Variants in LRRK2 observed in about 807,000 individuals in gnomAD.
LRRK2 encodes leucine rich repeat kinase 2.
A neutral mutation model predicts 302.6 loss-of-function variants in LRRK2; 203 were observed. That is an observed-to-expected ratio of 0.67 (90% CI 0.60 to 0.75). The LOEUF (loss-of-function observed/expected upper bound fraction) is 0.75, where lower values mean the gene tolerates loss of function less well. Among genes scored for constraint, LRRK2 ranks in the 30% least tolerant of loss-of-function variants. LRRK2 has a pLI of 0.00. For missense variants in LRRK2, 2,830 were observed against 2,951.0 expected (o/e 0.96, Z 0.95); for synonymous variants, 1,066 against 1,031.9 (o/e 1.03, Z -0.63).
Position 40,274,954 on chromosome 12 carries a change from C to A in LRRK2, c.1902C>A (p.Ser634Arg). Residue 634 changes from serine to arginine, a missense_variant, in exon 16 of 51, where the codon AGC becomes AGA. Coordinates refer to ENST00000298910, the MANE Select transcript of LRRK2 (RefSeq NM_198578.4). ...GHLLAKILVS[S>R]LYRFKDVAEI... ...TGCTGGCAAAAATTCTGGTTTCCAG[C>A]TTATACCGATTTAAGGATGTTGCTG... 6.2e-7 allele frequency: 1 copy of A among 1,613,974 alleles called. No individual in the cohort carries two copies. The highest frequency in any genetic ancestry group is 8.5e-7 in the Non-Finnish European group (1 of 1,179,930).
chr12:40,234,999 G>A (rs1353774050), intron 3 of LRRK2, among the ~76,000 whole-genome samples: 1 of 151,928 alleles, frequency 6.6e-6, no homozygotes, highest in African/African-American at 2.4e-5. Flanking sequence ...ATAGTCCCCT[G>A]TTGATTTTTT....
At chr12:40,318,314 T>G (rs1945289268) in intron 33 of LRRK2, among the ~76,000 whole-genome samples, 1 of 152,106 alleles carries the variant, frequency 6.6e-6, no homozygotes, top group Non-Finnish European at 1.5e-5. Context: ...CCACTATAAA[T>G]AGTGGTAGCA....
At chr12:40,257,194 A>G in intron 11 of LRRK2, 54 bp from the exon 12 acceptor site, 1 of 1,318,944 alleles carries the variant, frequency 7.6e-7, no homozygotes, top group Non-Finnish European at 1.1e-6. Flanking sequence ...AGCTTATGGT[A>G]AAATTATGAA....
At chr12:40,343,023 A>G (rs867954454) in intron 41 of LRRK2, among the ~76,000 whole-genome samples, 8 of 152,160 alleles carry the variant, frequency 5.3e-5, no homozygotes, top group Non-Finnish European at 8.8e-5. Flanking sequence ...TAAAGTTTAG[A>G]GAATATAAAA....
At chr12:40,339,232 G>T (rs953661375) in intron 40 of LRRK2, among the ~76,000 whole-genome samples, 8 of 152,104 alleles carry the variant, frequency 5.3e-5, no homozygotes, top group Non-Finnish European at 1.0e-4. Context: ...ATAAGCAAAG[G>T]ATTTAAATTT....
intron 43 of LRRK2, 22 bp downstream of exon 43, chr12:40,348,531 T>C (rs751271239): frequency 6.7e-7 from 1 of 1,496,468 alleles, no homozygotes; most frequent in Non-Finnish European, 9.3e-7. Flanking sequence ...GTTTTGTTAA[T>C]ATTTTGTACA....
chr12:40,258,016 A>G (rs550533535), intron 12 of LRRK2, among the ~76,000 whole-genome samples: 1 of 152,274 alleles, frequency 6.6e-6, no homozygotes, highest in Admixed American at 6.5e-5. Context: ...AGTGAAAACT[A>G]ATTTTGTTCC....
chr12:40,259,430 C>T, intron 12 of LRRK2, 50 bp from the exon 13 acceptor site: 1 of 1,608,768 alleles, frequency 6.2e-7, no homozygotes. Context: ...GTGTTTATAC[C>T]ATTGAATCAG....
intron 31 of LRRK2, among the ~76,000 whole-genome samples, chr12:40,312,234 C>T (rs922675254): frequency 6.6e-6 from 1 of 152,034 alleles, no homozygotes; most frequent in Non-Finnish European, 1.5e-5. Flanking sequence ...TTATAAATCA[C>T]CTTTGAAGAC....
intron 47 of LRRK2, among the ~76,000 whole-genome samples, chr12:40,361,731 A>G (rs1946715082): frequency 6.6e-6 from 1 of 152,104 alleles, no homozygotes; most frequent in African/African-American, 2.4e-5. Context: ...ACCTAGATGC[A>G]TAAACACTTA....
chr12:40,316,601 C>T (rs1056961440), intron 33 of LRRK2, among the ~76,000 whole-genome samples: 1 of 152,006 alleles, frequency 6.6e-6, no homozygotes, highest in Non-Finnish European at 1.5e-5. Context: ...CCTTTGTTTA[C>T]TTACTTTTTA....
intron 23 of LRRK2, among the ~76,000 whole-genome samples, 193 bp downstream of exon 23, chr12:40,295,837 A>G (rs190112403): frequency 7.9e-5 from 12 of 152,308 alleles, no homozygotes; most frequent in African/African-American, 2.2e-4. Flanking sequence ...AGGGCAGGCA[A>G]TGGAAACAGA....
In LRRK2 at chr12:40,238,112, A is replaced by T; in HGVS notation, c.571+9A>T. 1 of 1,612,862 alleles carries T rather than the reference A, an allele frequency of 6.2e-7. No individual in the cohort carries two copies. The highest frequency in any genetic ancestry group is 1.7e-4 in the Middle Eastern group (1 of 6,054). On this transcript the variant is annotated intron_variant, in intron 5 of 50. Coordinates refer to ENST00000298910, the MANE Select transcript of LRRK2 (RefSeq NM_198578.4). Reference sequence around the variant, plus strand: ...TGTGCTGTTTGAGAGAGGTATTTTAAAATGTCAAATTCCTTAAAGTATATA... The same window carrying T: ...TGTGCTGTTTGAGAGAGGTATTTTATAATGTCAAATTCCTTAAAGTATATA...
chr12:40,335,066 G>A lies in LRRK2; in HGVS notation c.5857G>A (p.Gly1953Ser), dbSNP rs201968874. ...GTTGGTGATGGAGTTAGCCTCCAAG[G>A]GTTCCTTGGATCGCCTGCTTCAGCA... ...RMLVMELASK[G>S]SLDRLLQQDK... Residue 1953 changes from glycine (G) to serine (S), a missense_variant, in exon 40 of 51, where the codon GGT becomes AGT. By Grantham distance (56) the Gly-to-Ser change is moderately conservative (BLOSUM62 0). This residue lies in a region of LRRK2 where 253 missense variants were observed against 346.7 expected (regional missense o/e 0.73). Transcript: ENST00000298910. The A allele has an allele frequency of 1.2e-6, 2 of 1,614,052 alleles. No individual in the cohort carries two copies. Among genetic ancestry groups the A allele is most frequent in the Non-Finnish European group, 8.5e-7 (1 of 1,179,994 alleles).
Position 40,278,113 on chromosome 12 carries a change from G to T in LRRK2, c.2093G>T (p.Cys698Phe). Residue 698 changes from cysteine (C) to phenylalanine (F), a missense_variant, in exon 18 of 51, where the codon TGT becomes TTT. By Grantham distance (205) the Cys-to-Phe change is radical. This residue lies in a region of LRRK2 where 2,121 missense variants were observed against 2,148.0 expected (regional missense o/e 0.99). Coordinates refer to ENST00000298910, the MANE Select transcript of LRRK2 (RefSeq NM_198578.4). ...DQQFLNLCCK[C>F]FAKVAMDDYL... ...TAGTTTCTAAACCTCTGTTGCAAGT[G>T]TTTTGCAAAAGTAGCTATGGATGAT... is the stretch of plus-strand genomic sequence containing the variant. 2 of 1,614,024 alleles carry T rather than the reference G, an allele frequency of 1.2e-6. No individual in the cohort carries two copies. The highest frequency in any genetic ancestry group is 2.2e-5 in the South Asian group (2 of 91,080).
intron 27 of LRRK2, 97 bp from the exon 28 acceptor site, chr12:40,305,688 G>A (rs1021836702): frequency 2.8e-6 from 3 of 1,056,152 alleles, no homozygotes; most frequent in South Asian, 1.3e-5. Flanking sequence ...AGCTGCTGAT[G>A]GAATCTGTGA....
intron 34 of LRRK2, 100 bp from the exon 35 acceptor site, chr12:40,320,934 G>A: frequency 7.4e-7 from 1 of 1,354,510 alleles, no homozygotes; most frequent in Admixed American, 1.7e-5. Context: ...ACAATTGTTT[G>A]GAATGATTAC....
At chr12:40,310,156 G>A (rs1444140686) in intron 30 of LRRK2, among the ~76,000 whole-genome samples, 1 of 152,052 alleles carries the variant, frequency 6.6e-6, no homozygotes, top group East Asian at 1.9e-4. Context: ...GCATGAAGAT[G>A]GGAAAGGAAA....
intron 14 of LRRK2, among the ~76,000 whole-genome samples, chr12:40,266,262 G>C (rs1211462426): frequency 6.6e-6 from 1 of 151,910 alleles, no homozygotes; most frequent in African/African-American, 2.4e-5. Context: ...ATCTGACAAA[G>C]GGCTAATATC....
Sources: gnomAD v4.1 joint callset for allele counts (sites outside exome capture counted in the v4.1 genomes callset) on GRCh38, gnomAD v4.1.1 for gene constraint, gnomAD v4.1.1 regional missense constraint, MANE v1.5 for transcripts, NCBI Gene and HGNC (gene_info 2026-07-23, HGNC 2026-07-21) for gene names.